The following PTPRG variants were observed in gnomAD, a reference collection of about 807,000 sequenced individuals.
PTPRG encodes the protein protein tyrosine phosphatase receptor type G.
PTPRG carries 102 observed loss-of-function variants against 165.3 expected under a neutral mutation model. The ratio of observed to expected loss-of-function variants is 0.62; its 90% CI spans 0.53 to 0.73. The LOEUF (loss-of-function observed/expected upper bound fraction) is 0.73. Ranked by LOEUF, PTPRG falls within the 30% of genes least tolerant of loss-of-function variation. The probability of loss-of-function intolerance (pLI) is 0.00; values close to 1 mark genes in which losing one functional copy is unlikely to be tolerated. For missense variants in PTPRG, 1,866 were observed against 1,861.4 expected, an observed-to-expected ratio of 1.00 and a Z score of -0.05; for synonymous variants, 675 against 669.5, an observed-to-expected ratio of 1.01 and a Z score of -0.13.
intron 2 of PTPRG, among the ~76,000 whole-genome samples, chr3:61,964,714 T>C (rs2040228341): frequency 6.6e-6 from 1 of 152,112 alleles, no homozygotes; most frequent in Admixed American, 6.5e-5. Flanking sequence ...TGTCCGTCCT[T>C]GTGTCGTGGT....
chr3:61,752,602 A>G (rs1054515826), intron 2 of PTPRG, among the ~76,000 whole-genome samples: 1 of 151,936 alleles, frequency 6.6e-6, no homozygotes, highest in Non-Finnish European at 1.5e-5. Context: ...ACCTGCCAAC[A>G]TGGTGAAACC....
chr3:61,624,059 CT>C (rs551759624), intron 1 of PTPRG, among the ~76,000 whole-genome samples: 67 of 152,106 alleles, frequency 4.4e-4, no homozygotes, highest in Non-Finnish European at 6.8e-4. Flanking sequence ...GATCAAAACC[CT>C]CTCTAATTCC....
intron 1 of PTPRG, among the ~76,000 whole-genome samples, chr3:61,665,283 T>C (rs1305607457): frequency 1.3e-5 from 2 of 152,196 alleles, no homozygotes; most frequent in African/African-American, 4.8e-5. Flanking sequence ...GTATTTTCAC[T>C]GTCTCTTCCT....
chr3:61,832,689 T>TA (rs869204207), intron 2 of PTPRG, among the ~76,000 whole-genome samples: 5 of 152,114 alleles, frequency 3.3e-5, no homozygotes, highest in East Asian at 3.9e-4. Flanking sequence ...CTTACTTTTT[T>TA]AAAAAAAATA....
chr3:62,040,688 C>T (rs904793803), intron 4 of PTPRG, among the ~76,000 whole-genome samples: 24 of 152,292 alleles, frequency 1.6e-4, no homozygotes, highest in Admixed American at 3.9e-4. Context: ...ATGATCCGTC[C>T]GCCTTGGCCT....
intron 2 of PTPRG, among the ~76,000 whole-genome samples, chr3:61,853,202 T>C (rs1223667640): frequency 6.6e-6 from 1 of 151,952 alleles, no homozygotes; most frequent in Non-Finnish European, 1.5e-5. Flanking sequence ...TTTGAGAAAA[T>C]GGAAATTTTA....
At chr3:62,012,533 G>A (rs199870350) in intron 4 of PTPRG, among the ~76,000 whole-genome samples, 21 of 152,204 alleles carry the variant, frequency 1.4e-4, no homozygotes, top group East Asian at 1.4e-3. Flanking sequence ...TAGGATTCAA[G>A]TCTAAACACA....
At chr3:62,147,564 G>A (rs1327075014) in intron 6 of PTPRG, among the ~76,000 whole-genome samples, 3 of 152,132 alleles carry the variant, frequency 2.0e-5, no homozygotes, top group Non-Finnish European at 2.9e-5. Context: ...TTAGCAACAT[G>A]TTTCCTTTAT....
rs144715295 is a variant in PTPRG at position 61,840,778 on chromosome 3, G to T, written c.190+91796G>T. 2.4e-3 allele frequency among the ~76,000 whole-genome samples: 255 copies of T among 106,086 alleles called. 1 individual carries two copies. The highest frequency in any genetic ancestry group is 7.7e-3 in the African/African-American group (172 of 22,312). The allele number at this position is 106,086 out of a possible 152,430, so 69.6% of individuals were successfully genotyped here. ...ATTTCAGATGGAGTTTTTTTTGTTT[G>T]TTTGTTTTTTTTTTTTTTTTTTTGA... On this transcript the variant is annotated intron_variant, in intron 2 of 29. Transcript: ENST00000474889.
At chr3:61,890,399 T>C (rs1301794909) in intron 2 of PTPRG, among the ~76,000 whole-genome samples, 1 of 146,764 alleles carries the variant, frequency 6.8e-6, no homozygotes, top group Admixed American at 7.0e-5. Context: ...TTTGGGCGGG[T>C]TTCTTGTTCT....
chr3:62,279,856 A>C (rs966856397), intron 26 of PTPRG, among the ~76,000 whole-genome samples: 2 of 152,096 alleles, frequency 1.3e-5, no homozygotes, highest in Non-Finnish European at 2.9e-5. Flanking sequence ...TTCTGACTTC[A>C]ATGATAGTAG....
At chr3:62,216,965 T>A (rs549776516) in intron 12 of PTPRG, among the ~76,000 whole-genome samples, 1 of 152,222 alleles carries the variant, frequency 6.6e-6, no homozygotes, top group Non-Finnish European at 1.5e-5. Flanking sequence ...CTTGGAGAGC[T>A]ATTCCCCTAT....
intron 1 of PTPRG, among the ~76,000 whole-genome samples, chr3:61,621,597 C>T (rs1329225275): frequency 1.3e-5 from 2 of 152,142 alleles, no homozygotes; most frequent in African/African-American, 2.4e-5. Context: ...CTCCTTCACT[C>T]TTTCTGTTCT....
At chr3:62,035,673 C>A (rs1349093872) in intron 4 of PTPRG, among the ~76,000 whole-genome samples, 7 of 152,204 alleles carry the variant, frequency 4.6e-5, no homozygotes, top group African/African-American at 1.4e-4. Context: ...AATGCTTTGG[C>A]TTTCAGCATA....
At chr3:62,211,287 T>C (rs527720177) in intron 12 of PTPRG, among the ~76,000 whole-genome samples, 1 of 152,328 alleles carries the variant, frequency 6.6e-6, no homozygotes, top group Non-Finnish European at 1.5e-5. Flanking sequence ...ATTCCACCTA[T>C]ATCTAGCATA....
intron 2 of PTPRG, among the ~76,000 whole-genome samples, chr3:61,895,490 T>C (rs2038331181): frequency 6.6e-6 from 1 of 152,234 alleles, no homozygotes; most frequent in South Asian, 2.1e-4. Context: ...GTTTCCGAGC[T>C]TGTAAAATCG....
Position 61,983,091 on chromosome 3 carries a change from G to A in PTPRG, c.191-6534G>A, listed in dbSNP as rs576343813. Among the ~76,000 whole-genome samples the A allele has an allele frequency of 1.6e-4, 24 of 152,282 alleles. No homozygotes were observed. The South Asian group carries it at 4.8e-3, about 30-fold the overall frequency. On this transcript the variant is annotated intron_variant, in intron 2 of 29. Coordinates refer to ENST00000474889, the MANE Select transcript of PTPRG (RefSeq NM_002841.4). ...ATATTTCTATCAACAAAGTTGAGCA[G>A]CTTTATAACTGAATATGAATAAAGT...
intron 1 of PTPRG, among the ~76,000 whole-genome samples, chr3:61,684,459 T>TGC (rs1703555543): frequency 6.6e-6 from 1 of 152,222 alleles, no homozygotes; most frequent in African/African-American, 2.4e-5. Flanking sequence ...GTGTGGGTTT[T>TGC]CTCTGAGCCA....
chr3:62,175,351 C>T (rs78899381), intron 8 of PTPRG, among the ~76,000 whole-genome samples: 11,282 of 152,184 alleles, frequency 0.074, 688 homozygotes, highest in East Asian at 0.34. Flanking sequence ...TGCCGTGGCA[C>T]GCGCCAGTAG....
Sources: gnomAD v4.1 joint callset for allele counts (sites outside exome capture counted in the v4.1 genomes callset) on GRCh38, gnomAD v4.1.1 for gene constraint, MANE v1.5 for transcripts, NCBI Gene and HGNC (gene_info 2026-07-23, HGNC 2026-07-21) for gene names.